Variants in HS6ST3 observed in about 807,000 individuals in gnomAD.
HS6ST3 encodes the protein heparan sulfate 6-O-sulfotransferase 3.
Under a neutral mutation model 36.7 loss-of-function variants are expected in HS6ST3, and 12 were observed. That is an observed-to-expected ratio of 0.33 (90% confidence interval 0.21 to 0.53). HS6ST3 has a LOEUF of 0.53. HS6ST3 is among the 20% of genes least tolerant of loss of function. The probability of loss-of-function intolerance (pLI) is 0.95; values close to 1 mark genes in which losing one functional copy is unlikely to be tolerated. For missense variants in HS6ST3, 584 were observed against 640.9 expected (o/e 0.91, Z 0.96); for synonymous variants, 240 against 257.5 (o/e 0.93, Z 0.65).
At chr13:96,648,168 C>A (rs1339747650) in intron 1 of HS6ST3, among the ~76,000 whole-genome samples, 1 of 152,076 alleles carries the variant, frequency 6.6e-6, no homozygotes, top group Admixed American at 6.6e-5. Flanking sequence ...CTACAAATTA[C>A]AGTCCCCTCC....
chr13:96,488,720 G>C (rs1265310967), intron 1 of HS6ST3, among the ~76,000 whole-genome samples: 1 of 152,018 alleles, frequency 6.6e-6, no homozygotes, highest in Non-Finnish European at 1.5e-5. Flanking sequence ...ACTGCCATCT[G>C]CATGATAGTT....
intron 1 of HS6ST3, among the ~76,000 whole-genome samples, chr13:96,637,297 A>C (rs955128959): frequency 6.6e-6 from 1 of 152,144 alleles, no homozygotes; most frequent in Admixed American, 6.6e-5. Context: ...TGTAAGGAGC[A>C]TTTGTTAAGC....
intron 1 of HS6ST3, among the ~76,000 whole-genome samples, chr13:96,399,700 G>A (rs1023615366): frequency 3.3e-5 from 5 of 152,362 alleles, no homozygotes; most frequent in Non-Finnish European, 7.3e-5. Context: ...ATGTCCAAGG[G>A]TCTCCCATGT....
In HS6ST3 at chr13:96,719,142, C is replaced by T. The variant is rs549113647; in HGVS notation, c.708-113348C>T. ...ACAAAAAATTAGCAGGGTATGGTGG[C>T]GGGCGCCTGTAGTCCCAGCTAGTCG... is the stretch of plus-strand genomic sequence containing the variant. On this transcript the variant is annotated intron_variant, in intron 1 of 1. Coordinates refer to ENST00000376705, the MANE Select transcript of HS6ST3 (RefSeq NM_153456.4). Among the ~76,000 whole-genome samples the T allele has an allele frequency of 1.2e-3, 183 of 152,074 alleles. 1 individual carries two copies. Among genetic ancestry groups the T allele is most frequent in the African/African-American group, 4.1e-3 (172 of 41,468 alleles).
At chr13:96,483,139 A>G (rs879806176) in intron 1 of HS6ST3, among the ~76,000 whole-genome samples, 17 of 152,188 alleles carry the variant, frequency 1.1e-4, no homozygotes, top group South Asian at 2.1e-4. Context: ...CTAACTTCCT[A>G]TGGAAAGGAA....
chr13:96,243,849 A>G (rs1373688504), intron 1 of HS6ST3, among the ~76,000 whole-genome samples: 1 of 151,590 alleles, frequency 6.6e-6, no homozygotes, highest in Non-Finnish European at 1.5e-5. Context: ...TTGAAAATAA[A>G]TTGACTTAGC....
chr13:96,651,089 T>C (rs939857765), intron 1 of HS6ST3, among the ~76,000 whole-genome samples: 2 of 152,100 alleles, frequency 1.3e-5, no homozygotes, highest in Non-Finnish European at 2.9e-5. Context: ...CTTCTTAGTC[T>C]AGAATTCAAG....
chr13:96,558,680 G>A (rs557788500), intron 1 of HS6ST3, among the ~76,000 whole-genome samples: 1 of 152,098 alleles, frequency 6.6e-6, no homozygotes, highest in Admixed American at 6.6e-5. Flanking sequence ...TAGAAATTTA[G>A]GGTCTGTTAT....
At chr13:96,461,239 G>T (rs1300009476) in intron 1 of HS6ST3, among the ~76,000 whole-genome samples, 3 of 152,142 alleles carry the variant, frequency 2.0e-5, no homozygotes, top group Non-Finnish European at 2.9e-5. Flanking sequence ...CAGACGTTGG[G>T]AATGAGAAGA....
At chr13:96,166,398 C>G (rs865882297) in intron 1 of HS6ST3, among the ~76,000 whole-genome samples, 31 of 152,158 alleles carry the variant, frequency 2.0e-4, no homozygotes, top group African/African-American at 6.3e-4. Context: ...ACCAAAACCA[C>G]ATGGAGAACA....
chr13:96,112,578 A>AATATACATATATATATATATATATAC (rs397773858), intron 1 of HS6ST3, among the ~76,000 whole-genome samples: 1 of 81,224 alleles, frequency 1.2e-5, no homozygotes, highest in African/African-American at 4.9e-5. Context: ...AAAATAAATA[A>AATATACATATATATATATATATATAC]ATATATATAT....
At chr13:96,206,967 A>G (rs1037601919) in intron 1 of HS6ST3, among the ~76,000 whole-genome samples, 1 of 152,194 alleles carries the variant, frequency 6.6e-6, no homozygotes, top group Non-Finnish European at 1.5e-5. Flanking sequence ...ATGCGATCTA[A>G]TTAAACTAAA....
chr13:96,715,326 G>T (rs1875668559), intron 1 of HS6ST3, among the ~76,000 whole-genome samples: 1 of 151,990 alleles, frequency 6.6e-6, no homozygotes, highest in Non-Finnish European at 1.5e-5. Flanking sequence ...CCCTGGGAAA[G>T]GTGGGTAGAT....
chr13:96,390,890 T>C (rs117918794), intron 1 of HS6ST3, among the ~76,000 whole-genome samples: 4 of 152,316 alleles, frequency 2.6e-5, no homozygotes, highest in Non-Finnish European at 5.9e-5. Flanking sequence ...GTTATTTTTC[T>C]AAATTTCCAA....
chr13:96,738,016 C>G (rs553735769), intron 1 of HS6ST3, among the ~76,000 whole-genome samples: 1 of 152,158 alleles, frequency 6.6e-6, no homozygotes. Flanking sequence ...ATTTTAAGAT[C>G]GTTACATTAT....
At chr13:96,229,185 A>G (rs1230666636) in intron 1 of HS6ST3, among the ~76,000 whole-genome samples, 9 of 152,164 alleles carry the variant, frequency 5.9e-5, no homozygotes, top group Admixed American at 5.9e-4. Flanking sequence ...CAGGAGGGGT[A>G]CTGATTTTGG....
chr13:96,296,753 T>C (rs891389098), intron 1 of HS6ST3, among the ~76,000 whole-genome samples: 7 of 152,144 alleles, frequency 4.6e-5, no homozygotes, highest in African/African-American at 1.7e-4. Context: ...ATCTCTTTTA[T>C]AATAAGAAAA....
chr13:96,444,242 G>T (rs561269645), intron 1 of HS6ST3, among the ~76,000 whole-genome samples: 2 of 152,264 alleles, frequency 1.3e-5, no homozygotes, highest in South Asian at 4.1e-4. Context: ...GGCACATGGG[G>T]CTGTGTTATA....
At chr13:96,383,841 G>A (rs1221074441) in intron 1 of HS6ST3, among the ~76,000 whole-genome samples, 1 of 152,202 alleles carries the variant, frequency 6.6e-6, no homozygotes, top group Admixed American at 6.5e-5. Flanking sequence ...CCGAGGTTAG[G>A]TCAGAGGTCA....
Sources: allele counts gnomAD v4.1 joint callset (sites outside exome capture counted in the v4.1 genomes callset), GRCh38; gene constraint gnomAD v4.1.1; transcripts MANE v1.5; gene names NCBI Gene and HGNC (gene_info 2026-07-23, HGNC 2026-07-21).